CXCL17: variants seen among roughly 807,000 people sequenced by gnomAD.
CXCL17 encodes the protein C-X-C motif chemokine ligand 17, also known as C-X-C motif chemokine 17.
A neutral mutation model predicts 15.5 loss-of-function variants in CXCL17; 9 were observed. That is an observed-to-expected ratio of 0.58 (90% CI 0.35 to 1.01). The LOEUF (loss-of-function observed/expected upper bound fraction) is 1.01. Among genes scored for constraint, CXCL17 ranks in the 50% least tolerant of loss-of-function variants. The pLI is 0.02. For synonymous variants in CXCL17, 52 were observed against 52.3 expected (o/e 0.99, Z 0.02); for missense variants, 133 against 138.2 (o/e 0.96, Z 0.19).
chr19:42,428,677 G>A lies in CXCL17; in HGVS notation c.*207C>T. ...AAGCCTAAGCCTGGGTAAGGGGAGG[G>A]CACAGGCTAAGACTGACGAGAGAAG... On this transcript the variant is annotated 3_prime_UTR_variant, in exon 4 of 4. Transcript: ENST00000601181. 1 of 502,196 alleles carries A rather than the reference G, an allele frequency of 2.0e-6. No homozygotes were observed. Among genetic ancestry groups the A allele is most frequent in the Non-Finnish European group, 3.6e-6 (1 of 281,298 alleles). 31.1% of individuals were successfully genotyped at this position (502,196 alleles called of 1,614,324 possible). A position where few individuals can be genotyped will look rare whatever the true frequency, so the allele number is the denominator to read the frequency against.
intron 1 of CXCL17, among the ~76,000 whole-genome samples, chr19:42,436,524 G>C (rs1371976978): frequency 6.6e-6 from 1 of 151,492 alleles, no homozygotes; most frequent in African/African-American, 2.4e-5. Context: ...AACTGTTGGA[G>C]AAAATTTTGA....
chr19:42,433,809 G>A lies in CXCL17; in HGVS notation c.127C>T (p.Leu43Phe). Residue 43 changes from leucine to phenylalanine, a missense_variant, in exon 2 of 4, where the codon CTC (leucine) becomes TTC (phenylalanine). Physicochemically the swap from Leu to Phe is conservative, Grantham distance 22 (BLOSUM62 0). Coordinates refer to ENST00000601181, the MANE Select transcript of CXCL17 (RefSeq NM_198477.3). Reference protein sequence around the residue: ...RDRGQASRRWLQEGGQECECK... With the variant: ...RDRGQASRRWFQEGGQECECK... ...TCACATTCTTGGCCGCCTTCCTGGAGCCATCTCCTAGAAGCCTGGCCTCGG... is the reference window on the plus strand; with the variant it reads ...TCACATTCTTGGCCGCCTTCCTGGAACCATCTCCTAGAAGCCTGGCCTCGG... 1 of 1,614,018 alleles carries A rather than the reference G, an allele frequency of 6.2e-7. No homozygotes were observed. The highest frequency in any genetic ancestry group is 1.1e-5 in the South Asian group (1 of 91,078).
chr19:42,432,335 G>A (rs955083330), intron 3 of CXCL17, among the ~76,000 whole-genome samples: 1 of 151,822 alleles, frequency 6.6e-6, no homozygotes, highest in African/African-American at 2.4e-5. Context: ...AGTAGAGACG[G>A]GGTTTCACCA....
At chr19:42,442,693 C>T (rs1341190918) in intron 1 of CXCL17, 61 bp downstream of exon 1, 14 of 1,198,512 alleles carry the variant, frequency 1.2e-5, no homozygotes, top group African/African-American at 3.1e-5. Context: ...TTTGATGTGT[C>T]TGTGGCCTGT....
chr19:42,439,658 G>C (rs1031266597), intron 1 of CXCL17, among the ~76,000 whole-genome samples: 3 of 152,184 alleles, frequency 2.0e-5, no homozygotes, highest in African/African-American at 7.2e-5. Context: ...GCTCTTGCTG[G>C]GATGTCCAGA....
intron 3 of CXCL17, among the ~76,000 whole-genome samples, chr19:42,432,420 C>T (rs953973377): frequency 4.6e-5 from 7 of 152,124 alleles, no homozygotes; most frequent in African/African-American, 2.4e-5. Flanking sequence ...ACTGGGATTA[C>T]AGGCATGAGC....
chr19:42,437,222 A>G (rs148513841), intron 1 of CXCL17, among the ~76,000 whole-genome samples: 1 of 152,076 alleles, frequency 6.6e-6, no homozygotes, highest in Non-Finnish European at 1.5e-5. Flanking sequence ...TAGGCATGAG[A>G]TGCTATGCCT....
chr19:42,438,366 AAAAAAAAAAAAAAAAATAT>A (rs1216645159), intron 1 of CXCL17, among the ~76,000 whole-genome samples: 7 of 104,984 alleles, frequency 6.7e-5, no homozygotes, highest in African/African-American at 1.9e-4. Context: ...AAAAAAAAAA[AAAAAAAAAAAAAAAAATAT>A]ATATATATAT....
chr19:42,438,381 A>AAAAATATATAT (rs1555793041), intron 1 of CXCL17, among the ~76,000 whole-genome samples: 2 of 63,850 alleles, frequency 3.1e-5, no homozygotes, highest in Non-Finnish European at 5.1e-5. Flanking sequence ...AAAAAAAAAA[A>AAAAATATATAT]ATATATATAT....
chr19:42,429,146 G>C (rs929196729), intron 3 of CXCL17, among the ~76,000 whole-genome samples, 165 bp from the exon 4 acceptor site: 2 of 151,874 alleles, frequency 1.3e-5, no homozygotes, highest in Non-Finnish European at 2.9e-5. Flanking sequence ...TCCTGCCTCA[G>C]CCTCCCAAGT....
rs1315973082 is a variant in CXCL17, at chr19:42,438,389, T to A, written c.79+4365A>T. On this transcript the variant is annotated intron_variant, in intron 1 of 3. Coordinates refer to ENST00000601181, the MANE Select transcript of CXCL17 (RefSeq NM_198477.3). ...AAAAAAAAAAAAAAAAAAATATATATATATATATATATATATAAAATACAC... is the reference window on the plus strand; with the variant it reads ...AAAAAAAAAAAAAAAAAAATATATAAATATATATATATATATAAAATACAC... Among the ~76,000 whole-genome samples the A allele has an allele frequency of 1.6e-3, 147 of 94,740 alleles. 1 individual carries two copies. Among genetic ancestry groups the A allele is most frequent in the African/African-American group, 6.4e-3 (115 of 17,916 alleles). The allele number at this position is 94,740 out of a possible 152,430, so 62.2% of individuals were successfully genotyped here. A position where few individuals can be genotyped will look rare whatever the true frequency, so the allele number is the denominator to read the frequency against.
intron 1 of CXCL17, among the ~76,000 whole-genome samples, chr19:42,438,370 AAAAAAAAAAAAAT>A (rs1162471973): frequency 1.8e-5 from 2 of 108,394 alleles, no homozygotes; most frequent in Non-Finnish European, 3.4e-5. Flanking sequence ...AAAAAAAAAA[AAAAAAAAAAAAAT>A]ATATATATAT....
chr19:42,436,152 G>C lies in CXCL17; in HGVS notation c.80-2296C>G, dbSNP rs115589939. ...GTTCCTAACACATGGTAGGCATTTG[G>C]CAAATGTTTGTTCAACACGTGGATG... On this transcript the variant is annotated intron_variant, in intron 1 of 3. Coordinates refer to ENST00000601181, the MANE Select transcript of CXCL17 (RefSeq NM_198477.3). 6.0e-3 allele frequency among the ~76,000 whole-genome samples: 895 copies of C among 149,254 alleles called. 9 individuals carry two copies. The highest frequency in any genetic ancestry group is 0.022 in the African/African-American group (858 of 38,728).
chr19:42,442,053 A>G (rs994899446), intron 1 of CXCL17, among the ~76,000 whole-genome samples: 1 of 152,104 alleles, frequency 6.6e-6, no homozygotes, highest in Non-Finnish European at 1.5e-5. Context: ...ATTGCCTTCA[A>G]CACTCTCCCA....
intron 3 of CXCL17, among the ~76,000 whole-genome samples, chr19:42,432,293 C>A (rs2040791060): frequency 6.6e-6 from 1 of 151,848 alleles, no homozygotes; most frequent in South Asian, 2.1e-4. Context: ...TACAGGCATG[C>A]ACCACTATGC....
At position 42,428,965 on chromosome 19, in the gene CXCL17, G is replaced by C; in HGVS notation, c.279C>G (p.His93Gln). The C allele has an allele frequency of 6.2e-7, 1 of 1,614,060 alleles. No homozygotes were observed. The highest frequency in any genetic ancestry group is 8.5e-7 in the Non-Finnish European group (1 of 1,179,926). ...CTCTGGAATGCTTGTTTGGCTTTCT[G>C]TGGTGCCTTTGGTGTCCTAGGGTGC... The part of the protein sequence containing the change: ...NVKKTRHQRH[H>Q]RKPNKHSRAC... The change falls in exon 4 of 4, where the codon CAC (histidine) becomes CAG (glutamine). Residue 93 changes from histidine to glutamine, a missense_variant. Physicochemically the swap from His to Gln is conservative, Grantham distance 24 (BLOSUM62 0). Transcript: ENST00000601181.
chr19:42,433,692 A>G, intron 2 of CXCL17, 84 bp downstream of exon 2: 3 of 1,139,328 alleles, frequency 2.6e-6, no homozygotes, highest in Non-Finnish European at 4.0e-6. Context: ...CTGAGATAAC[A>G]TCTGCATTGG....
chr19:42,433,398 T>G (rs1434916206), intron 2 of CXCL17, among the ~76,000 whole-genome samples: 1 of 152,198 alleles, frequency 6.6e-6, no homozygotes, highest in Non-Finnish European at 1.5e-5. Flanking sequence ...CTACTTTCCC[T>G]TGGGGAAGCC....
intron 3 of CXCL17, among the ~76,000 whole-genome samples, chr19:42,430,103 C>G (rs959359919): frequency 2.6e-5 from 4 of 151,686 alleles, no homozygotes; most frequent in Non-Finnish European, 5.9e-5. Context: ...GGAGGTGAGC[C>G]GTGATCATGC....
Sources: allele counts gnomAD v4.1 joint callset (sites outside exome capture counted in the v4.1 genomes callset), GRCh38; gene constraint gnomAD v4.1.1; transcripts MANE v1.5; gene names NCBI Gene and HGNC (gene_info 2026-07-23, HGNC 2026-07-21).